MPP7: variants seen among roughly 807,000 people sequenced by gnomAD.
MPP7 encodes MAGUK p55 scaffold protein 7.
MPP7 carries 60 observed loss-of-function variants against 76.5 expected under a neutral mutation model. The ratio of observed to expected loss-of-function variants is 0.78; its 90% CI spans 0.64 to 0.97. The LOEUF is 0.97. MPP7 is among the 50% of genes least tolerant of loss of function. The pLI is 0.00. For synonymous variants in MPP7, 237 were observed against 244.5 expected (o/e 0.97, Z 0.29); for missense variants, 641 against 694.0 (o/e 0.92, Z 0.86).
chr10:28,307,217 C>T (rs1841263839), upstream of MPP7, among the ~76,000 whole-genome samples: 1 of 152,134 alleles, frequency 6.6e-6, no homozygotes, highest in South Asian at 2.1e-4. Flanking sequence ...AAACTGGAGA[C>T]CTAGAGGCCA....
intron 3 of MPP7, among the ~76,000 whole-genome samples, chr10:28,198,765 A>C (rs1837673684): frequency 6.6e-6 from 1 of 152,136 alleles, no homozygotes; most frequent in Non-Finnish European, 1.5e-5. Flanking sequence ...TAGAAACTAC[A>C]TCTAGAAATG....
At chr10:28,300,332 G>A (rs1367653666) in intron 1 of MPP7, among the ~76,000 whole-genome samples, 2 of 152,116 alleles carry the variant, frequency 1.3e-5, no homozygotes, top group Non-Finnish European at 2.9e-5. Flanking sequence ...AAGAATACAA[G>A]CAAATACTTT....
chr10:28,218,305 G>A (rs994115409), intron 2 of MPP7, among the ~76,000 whole-genome samples: 7 of 152,114 alleles, frequency 4.6e-5, no homozygotes, highest in African/African-American at 9.7e-5. Context: ...GGATTTAGTC[G>A]TAGAGGAATT....
intron 13 of MPP7, among the ~76,000 whole-genome samples, chr10:28,067,524 T>TATCTGTC (rs1262545348): frequency 1.3e-5 from 2 of 152,228 alleles, no homozygotes; most frequent in Non-Finnish European, 2.9e-5. Context: ...TTGACATTGA[T>TATCTGTC]ATCTGTCTAA....
At chr10:28,232,377 A>G (rs1011706923) in intron 2 of MPP7, among the ~76,000 whole-genome samples, 4 of 151,742 alleles carry the variant, frequency 2.6e-5, no homozygotes, top group Non-Finnish European at 4.4e-5. Flanking sequence ...ACACACACAC[A>G]CACACACACA....
At chr10:28,149,848 AC>A (rs1835821631) in intron 4 of MPP7, 133 bp downstream of exon 4, 1 of 537,676 alleles carries the variant, frequency 1.9e-6, no homozygotes, top group Non-Finnish European at 3.2e-6. Flanking sequence ...TGATGACAGG[AC>A]TTTTGGAAAC....
At chr10:28,084,398 AG>A (rs1478527511) in intron 12 of MPP7, among the ~76,000 whole-genome samples, 5 of 152,238 alleles carry the variant, frequency 3.3e-5, no homozygotes, top group Non-Finnish European at 7.3e-5. Flanking sequence ...CAGCAGCAAT[AG>A]GGGAAAAGCA....
chr10:28,261,095 G>A (rs1023880980), intron 1 of MPP7, among the ~76,000 whole-genome samples: 1 of 152,114 alleles, frequency 6.6e-6, no homozygotes, highest in African/African-American at 2.4e-5. Context: ...TTTCAACTAA[G>A]AAAAATTGCT....
At chr10:28,132,631 G>A (rs781572644) in intron 5 of MPP7, among the ~76,000 whole-genome samples, 11 of 151,828 alleles carry the variant, frequency 7.2e-5, no homozygotes, top group Non-Finnish European at 1.5e-4. Context: ...ACAGAGTCTC[G>A]CTCTGTCGCC....
chr10:28,240,360 A>C (rs1371832357), intron 1 of MPP7, among the ~76,000 whole-genome samples: 2 of 152,162 alleles, frequency 1.3e-5, no homozygotes, highest in African/African-American at 2.4e-5. Flanking sequence ...CCAAACTGTA[A>C]GATTCTATTA....
intron 2 of MPP7, among the ~76,000 whole-genome samples, chr10:28,311,652 G>A (rs1841289992): frequency 6.6e-6 from 1 of 152,042 alleles, no homozygotes; most frequent in South Asian, 2.1e-4. Flanking sequence ...GAAGGCTGAG[G>A]TAGGAGGATT....
chr10:28,065,220 T>G (rs539732971), intron 13 of MPP7, among the ~76,000 whole-genome samples: 17 of 152,194 alleles, frequency 1.1e-4, no homozygotes, highest in Non-Finnish European at 1.5e-4. Flanking sequence ...CTGCAACACA[T>G]GGTTGAAAGA....
chr10:28,191,379 C>CA (rs1164312079), intron 3 of MPP7, among the ~76,000 whole-genome samples: 21 of 152,016 alleles, frequency 1.4e-4, no homozygotes, highest in Admixed American at 6.6e-4. Flanking sequence ...AACAGAGATG[C>CA]AAAAAAACTC....
At chr10:28,264,885 A>G (rs528242487) in intron 1 of MPP7, among the ~76,000 whole-genome samples, 1 of 152,292 alleles carries the variant, frequency 6.6e-6, no homozygotes, top group East Asian at 1.9e-4. Context: ...AAGCCAAGGA[A>G]GAGAGACTTT....
intron 2 of MPP7, among the ~76,000 whole-genome samples, chr10:28,313,966 A>C (rs1419328254): frequency 2.0e-5 from 3 of 147,198 alleles, no homozygotes; most frequent in Non-Finnish European, 4.4e-5. Flanking sequence ...TTGGCCTCCC[A>C]AAATGCTGGG....
At chr10:28,209,906 C>T (rs1838075439) in intron 2 of MPP7, among the ~76,000 whole-genome samples, 1 of 152,166 alleles carries the variant, frequency 6.6e-6, no homozygotes, top group Non-Finnish European at 1.5e-5. Context: ...GAAAGAAGAT[C>T]TGCTCTCACC....
At chr10:28,067,863 G>A (rs777252247) in intron 13 of MPP7, among the ~76,000 whole-genome samples, 6 of 151,960 alleles carry the variant, frequency 3.9e-5, no homozygotes, top group African/African-American at 1.4e-4. Flanking sequence ...CATGAGAACT[G>A]GTATCAAAAA....
intron 9 of MPP7, 79 bp downstream of exon 9, chr10:28,120,515 T>A (rs1313031251): frequency 6.6e-7 from 1 of 1,514,268 alleles, no homozygotes; most frequent in Non-Finnish European, 9.1e-7. Context: ...AAATGTGTTG[T>A]GACAAAGTGG....
At chr10:28,259,584 C>CAAAAAG (rs1245374590) in intron 1 of MPP7, among the ~76,000 whole-genome samples, 7 of 92,930 alleles carry the variant, frequency 7.5e-5, no homozygotes, top group Non-Finnish European at 1.0e-4. Context: ...GAGACTCCAT[C>CAAAAAG]AAAAAGAAAA....
Sources: gnomAD v4.1 joint callset for allele counts (sites outside exome capture counted in the v4.1 genomes callset) on GRCh38, gnomAD v4.1.1 for gene constraint, MANE v1.5 for transcripts, NCBI Gene and HGNC (gene_info 2026-07-23, HGNC 2026-07-21) for gene names.